Variants in LIN7A observed in about 807,000 individuals in gnomAD.
LIN7A encodes lin-7 cell polarity scaffold A.
Under a neutral mutation model 29.8 loss-of-function variants are expected in LIN7A, and 25 were observed. That is an observed-to-expected ratio of 0.84 (90% CI 0.61 to 1.17). The LOEUF (loss-of-function observed/expected upper bound fraction) is 1.17, where lower values mean the gene tolerates loss of function less well. Among genes scored for constraint, LIN7A ranks in the 50% most tolerant of loss-of-function variants. The pLI is 0.00. For missense variants in LIN7A, 239 were observed against 287.0 expected, an observed-to-expected ratio of 0.83 and a Z score of 1.21; for synonymous variants, 118 against 107.5, an observed-to-expected ratio of 1.10 and a Z score of -0.60.
In LIN7A at chr12:80,793,440, G is replaced by A. The variant is rs1300537832; in HGVS notation, c.*4287C>T. 6.6e-6 allele frequency: 1 copy of A among 152,148 alleles called. No homozygotes were observed. The highest frequency in any genetic ancestry group is 2.4e-5 in the African/African-American group (1 of 41,438). 9.4% of individuals were successfully genotyped at this position (152,148 alleles called of 1,614,324 possible). The stretch of plus-strand genomic sequence containing the variant: ...GCAGGGAGTATTTCATGACTTCCAT[G>A]GGGTGAGGAATTTTATTTTTTCTAT... On this transcript the variant is annotated 3_prime_UTR_variant, in exon 6 of 6. Coordinates refer to ENST00000552864, the MANE Select transcript of LIN7A (RefSeq NM_004664.4).
intron 1 of LIN7A, among the ~76,000 whole-genome samples, chr12:80,911,590 T>A (rs1437841428): frequency 6.6e-6 from 1 of 152,200 alleles, no homozygotes; most frequent in Non-Finnish European, 1.5e-5. Context: ...CCACTAGATT[T>A]CCTGAAAATT....
rs558522795 is a variant in LIN7A, at chr12:80,797,318, G to T, written c.*409C>A. ...CAATGTGTAGGTTTCACTTTGAACT[G>T]ATGCAGTTTGAATTATAGCCTAATG... On this transcript the variant is annotated 3_prime_UTR_variant, in exon 6 of 6. Transcript: ENST00000552864. 1 of 152,640 alleles carries T rather than the reference G, an allele frequency of 6.6e-6. No homozygotes were observed. The highest frequency in any genetic ancestry group is 2.1e-4 in the South Asian group (1 of 4,818). 9.5% of individuals were successfully genotyped at this position (152,640 alleles called of 1,614,324 possible). A position where few individuals can be genotyped will look rare whatever the true frequency, so the allele number is the denominator to read the frequency against.
chr12:80,891,498 C>T lies in LIN7A; in HGVS notation c.83-2129G>A, dbSNP rs140229085. Among the ~76,000 whole-genome samples the T allele has an allele frequency of 5.7e-3, 865 of 152,292 alleles. 13 individuals are homozygous for T. The highest frequency in any genetic ancestry group is 7.7e-3 in the Admixed American group (118 of 15,296). ...TCCACACCTATGTTTTGGCACATGT[C>T]ATCACCTGTTCCTGAAATGCAATTC... On this transcript the variant is annotated intron_variant, in intron 1 of 5. Coordinates refer to ENST00000552864, the MANE Select transcript of LIN7A (RefSeq NM_004664.4).
intron 4 of LIN7A, among the ~76,000 whole-genome samples, chr12:80,814,815 A>G (rs905912255): frequency 1.3e-5 from 2 of 152,132 alleles, no homozygotes; most frequent in Admixed American, 6.5e-5. Flanking sequence ...TTCAGTTTAG[A>G]CAAGGACTCA....
At chr12:80,878,676 C>A (rs964589892) in intron 2 of LIN7A, among the ~76,000 whole-genome samples, 1 of 152,168 alleles carries the variant, frequency 6.6e-6, no homozygotes, top group African/African-American at 2.4e-5. Context: ...CCGCCCATGT[C>A]CTGCTGATTG....
chr12:80,844,357 C>A (rs577328679), intron 4 of LIN7A, among the ~76,000 whole-genome samples: 1 of 152,082 alleles, frequency 6.6e-6, no homozygotes, highest in Non-Finnish European at 1.5e-5. Context: ...TAGAGGACAG[C>A]AGAGTTGAAG....
chr12:80,832,520 T>C (rs1363203803), intron 4 of LIN7A: 1 of 477,450 alleles, frequency 2.1e-6, no homozygotes, highest in Admixed American at 2.3e-5. Context: ...GGATGAAATC[T>C]CTTTTCCAGA....
chr12:80,834,573 GA>G (rs1872526983), intron 4 of LIN7A, among the ~76,000 whole-genome samples: 1 of 152,138 alleles, frequency 6.6e-6, no homozygotes, highest in South Asian at 2.1e-4. Flanking sequence ...CAAATTTATT[GA>G]AACAGCCCAT....
chr12:80,826,726 T>C (rs1424408011), intron 4 of LIN7A, among the ~76,000 whole-genome samples: 1 of 152,198 alleles, frequency 6.6e-6, no homozygotes, highest in African/African-American at 2.4e-5. Flanking sequence ...TTTCACCGTG[T>C]TGGCCAGGTT....
intron 5 of LIN7A, among the ~76,000 whole-genome samples, chr12:80,804,122 G>A (rs1015021810): frequency 2.0e-5 from 3 of 151,930 alleles, no homozygotes; most frequent in Non-Finnish European, 4.4e-5. Context: ...TATTTATGGG[G>A]TCCATGAGAT....
intron 2 of LIN7A, among the ~76,000 whole-genome samples, chr12:80,886,422 A>G (rs1314038950): frequency 6.6e-6 from 1 of 152,078 alleles, no homozygotes; most frequent in East Asian, 1.9e-4. Context: ...ATTATTCAGA[A>G]TTGTTGTTTA....
In LIN7A at chr12:80,792,778, A is replaced by T. The variant is rs1055716523; in HGVS notation, c.*4949T>A. ...TGTTTCTTTCAGTTTTTGTAGCACC[A>T]AATAGACACAGCGGCTAACAAGAAA... is the stretch of plus-strand genomic sequence containing the variant. On this transcript the variant is annotated 3_prime_UTR_variant, in exon 6 of 6. Transcript: ENST00000552864. The T allele has an allele frequency of 3.9e-5, 6 of 152,170 alleles. No homozygotes were observed. Among genetic ancestry groups the T allele is most frequent in the African/African-American group, 4.8e-5 (2 of 41,450 alleles). 9.4% of individuals were successfully genotyped at this position (152,170 alleles called of 1,614,324 possible).
At chr12:80,854,486 C>CGAAA (rs1873499161) in intron 2 of LIN7A, among the ~76,000 whole-genome samples, 1 of 108,936 alleles carries the variant, frequency 9.2e-6, no homozygotes, top group Non-Finnish European at 1.6e-5. Flanking sequence ...GTTGCTAAGC[C>CGAAA]AAAAAAAAAA....
intron 2 of LIN7A, among the ~76,000 whole-genome samples, chr12:80,876,094 G>GAGAGAA (rs1163819604): frequency 1.3e-5 from 2 of 151,342 alleles, no homozygotes; most frequent in Admixed American, 1.3e-4. Context: ...GAGAGAGAAA[G>GAGAGAA]AGAGAGACAG....
intron 1 of LIN7A, among the ~76,000 whole-genome samples, chr12:80,897,850 G>A (rs1003259077): frequency 1.3e-5 from 2 of 152,006 alleles, no homozygotes; most frequent in African/African-American, 2.4e-5. Flanking sequence ...ATTGCATTAA[G>A]TCAAATATTA....
chr12:80,933,481 C>T (rs1424268007), intron 1 of LIN7A, among the ~76,000 whole-genome samples: 1 of 152,136 alleles, frequency 6.6e-6, no homozygotes, highest in Admixed American at 6.5e-5. Flanking sequence ...GTGAGCCTTC[C>T]TCGACCAATG....
chr12:80,916,986 A>G (rs1472943131), intron 1 of LIN7A, among the ~76,000 whole-genome samples: 3 of 152,228 alleles, frequency 2.0e-5, no homozygotes, highest in African/African-American at 7.2e-5. Flanking sequence ...AAACATTGGC[A>G]TATGGTCAGT....
intron 5 of LIN7A, 44 bp downstream of exon 5, chr12:80,811,421 A>ATGTG (rs752263250): frequency 6.9e-5 from 22 of 320,844 alleles, no homozygotes; most frequent in Admixed American, 3.4e-4. Flanking sequence ...GTGTGTGTGT[A>ATGTG]TATATATATA....
rs1870498006 is a variant in LIN7A at position 80,797,352 on chromosome 12, G to A, written c.*375C>T. The A allele has an allele frequency of 6.6e-6, 1 of 152,556 alleles. No individual in the cohort carries two copies. The highest frequency in any genetic ancestry group is 1.5e-5 in the Non-Finnish European group (1 of 68,030). 9.5% of individuals were successfully genotyped at this position (152,556 alleles called of 1,614,324 possible). A position where few individuals can be genotyped will look rare whatever the true frequency, so the allele number is the denominator to read the frequency against. On this transcript the variant is annotated 3_prime_UTR_variant, in exon 6 of 6. Coordinates refer to ENST00000552864, the MANE Select transcript of LIN7A (RefSeq NM_004664.4). ...TGAATTATAGCCTAATGAGGGGTTT[G>A]CTAATATCTGGAAAAGCTATGGACC...
Sources: gnomAD v4.1 joint callset for allele counts (sites outside exome capture counted in the v4.1 genomes callset) on GRCh38, gnomAD v4.1.1 for gene constraint, MANE v1.5 for transcripts, NCBI Gene and HGNC (gene_info 2026-07-23, HGNC 2026-07-21) for gene names.